PDGFD: variants seen among roughly 807,000 people sequenced by gnomAD.
PDGFD encodes platelet derived growth factor D.
Under a neutral mutation model 44.7 loss-of-function variants are expected in PDGFD, and 30 were observed. The ratio of observed to expected loss-of-function variants is 0.67; its 90% CI spans 0.50 to 0.91. The LOEUF (loss-of-function observed/expected upper bound fraction) is 0.91. Ranked by LOEUF, PDGFD falls within the 40% of genes least tolerant of loss-of-function variation. The pLI is 0.00. For missense variants in PDGFD, 445 were observed against 457.8 expected, an observed-to-expected ratio of 0.97 and a Z score of 0.25; for synonymous variants, 173 against 168.4, an observed-to-expected ratio of 1.03 and a Z score of -0.21.
At chr11:103,933,672 A>T (rs1304286264) in intron 5 of PDGFD, among the ~76,000 whole-genome samples, 6 of 152,226 alleles carry the variant, frequency 3.9e-5, no homozygotes. Flanking sequence ...TGTATCCAGC[A>T]CTTTGTGAGA....
At chr11:103,981,862 A>G (rs753902223) in intron 3 of PDGFD, among the ~76,000 whole-genome samples, 15 of 151,800 alleles carry the variant, frequency 9.9e-5, no homozygotes, top group Non-Finnish European at 2.1e-4. Context: ...CCAGCTCAGC[A>G]GTCTCATCAA....
chr11:103,988,417 G>A (rs539402679), intron 3 of PDGFD, among the ~76,000 whole-genome samples: 1 of 152,006 alleles, frequency 6.6e-6, no homozygotes, highest in South Asian at 2.1e-4. Context: ...GCACATCGGG[G>A]AGTCATCTGC....
chr11:104,062,018 T>G (rs759441066), intron 1 of PDGFD, among the ~76,000 whole-genome samples: 7 of 152,346 alleles, frequency 4.6e-5, no homozygotes, highest in Non-Finnish European at 8.8e-5. Context: ...CTAGTTTCTA[T>G]TCTCGTTTTT....
intron 1 of PDGFD, among the ~76,000 whole-genome samples, chr11:104,101,030 G>A (rs185700360): frequency 6.6e-6 from 1 of 152,200 alleles, no homozygotes; most frequent in East Asian, 1.9e-4. Flanking sequence ...CATTCCCTTT[G>A]AAAACTGGCA....
chr11:104,000,002 T>C (rs1365675901), intron 2 of PDGFD, 49 bp downstream of exon 2: 1 of 1,485,416 alleles, frequency 6.7e-7, no homozygotes, highest in Non-Finnish European at 9.4e-7. Context: ...TTCATCTTTT[T>C]CTTTTTTCAC....
At chr11:103,994,154 T>A (rs954908742) in intron 3 of PDGFD, among the ~76,000 whole-genome samples, 1 of 152,192 alleles carries the variant, frequency 6.6e-6, no homozygotes, top group African/African-American at 2.4e-5. Context: ...TATTTTGCCT[T>A]AAAGACATTA....
intron 2 of PDGFD, among the ~76,000 whole-genome samples, chr11:103,997,847 C>T (rs941926357): frequency 6.6e-6 from 1 of 152,108 alleles, no homozygotes; most frequent in Non-Finnish European, 1.5e-5. Context: ...GCTGTTTTAT[C>T]TCTTAGGGAG....
chr11:103,987,833 T>C (rs1859392627), intron 3 of PDGFD, among the ~76,000 whole-genome samples: 1 of 147,532 alleles, frequency 6.8e-6, no homozygotes, highest in Non-Finnish European at 1.5e-5. Context: ...CCCGGGATGC[T>C]GTTGCCTCCC....
At chr11:104,018,445 T>C (rs957762705) in intron 1 of PDGFD, among the ~76,000 whole-genome samples, 3 of 152,200 alleles carry the variant, frequency 2.0e-5, no homozygotes, top group African/African-American at 7.2e-5. Flanking sequence ...GGCCCTATCA[T>C]GTCTGCCATT....
At chr11:104,127,638 G>T (rs1288503393) in intron 1 of PDGFD, among the ~76,000 whole-genome samples, 2 of 152,102 alleles carry the variant, frequency 1.3e-5, no homozygotes, top group African/African-American at 4.8e-5. Flanking sequence ...TGCAAGCAAT[G>T]AAAATTATTA....
rs1426848978 is a variant in PDGFD at position 103,957,005 on chromosome 11, G to A, written c.511-9281C>T. 5.3e-5 allele frequency among the ~76,000 whole-genome samples: 8 copies of A among 152,062 alleles called. No individual in the cohort carries two copies. The East Asian group carries it at 1.5e-3, about 29-fold the overall frequency. Reference sequence around the variant, plus strand: ...TGCAAAAATTTTCTCCCATTTTATAGTTTGCCTGTTCACTCTGATGGTAGT... The same window carrying A: ...TGCAAAAATTTTCTCCCATTTTATAATTTGCCTGTTCACTCTGATGGTAGT... On this transcript the variant is annotated intron_variant, in intron 3 of 6. Coordinates refer to ENST00000393158, the MANE Select transcript of PDGFD (RefSeq NM_025208.5).
At chr11:104,155,638 T>C (rs1862296657) in intron 1 of PDGFD, among the ~76,000 whole-genome samples, 1 of 152,222 alleles carries the variant, frequency 6.6e-6, no homozygotes, top group South Asian at 2.1e-4. Context: ...GTGTCTACCA[T>C]ACGATCCTTA....
At chr11:103,953,237 AT>A (rs1327228804) in intron 3 of PDGFD, among the ~76,000 whole-genome samples, 1 of 149,372 alleles carries the variant, frequency 6.7e-6, no homozygotes, top group Non-Finnish European at 1.5e-5. Flanking sequence ...TCTAAAAGAG[AT>A]CAAAAACAAA....
chr11:104,149,953 G>T (rs762196084), intron 1 of PDGFD, among the ~76,000 whole-genome samples: 2 of 151,980 alleles, frequency 1.3e-5, no homozygotes, highest in Non-Finnish European at 2.9e-5. Context: ...ATATACTGTG[G>T]TCATTGTACT....
intron 1 of PDGFD, among the ~76,000 whole-genome samples, chr11:104,161,162 C>T (rs1298760778): frequency 6.6e-6 from 1 of 152,164 alleles, no homozygotes; most frequent in Non-Finnish European, 1.5e-5. Flanking sequence ...AAGGTCACTT[C>T]TAATTTTTTG....
chr11:104,113,085 C>T (rs956794170), intron 1 of PDGFD, among the ~76,000 whole-genome samples: 1 of 152,014 alleles, frequency 6.6e-6, no homozygotes, highest in Non-Finnish European at 1.5e-5. Flanking sequence ...TAAGTCAGAA[C>T]ATTGGGCTGG....
In PDGFD at chr11:104,151,930, T is replaced by TA. The variant is rs113744513; in HGVS notation, c.124+11873dup. 3.8e-4 allele frequency among the ~76,000 whole-genome samples: 56 copies of TA among 146,860 alleles called. No individual in the cohort carries two copies. In the Middle Eastern group the frequency reaches 0.014, roughly 37 times the overall value. On this transcript the variant is annotated intron_variant, in intron 1 of 6. Transcript: ENST00000393158. ...GACGGAATCTCGAAGTTGAGAATCTTAAAAAAAAAAAATCCCAGGTCACAT... is the reference window on the plus strand; with the variant it reads ...GACGGAATCTCGAAGTTGAGAATCTTAAAAAAAAAAAAATCCCAGGTCACAT...
chr11:104,032,303 G>C lies in PDGFD; in HGVS notation c.125-32048C>G, dbSNP rs550767918. ...TTGTATTACTGTAAAGCAAATAAAAGAATTATGAAAACATTAGTTATTTAA... is the reference window on the plus strand; with the variant it reads ...TTGTATTACTGTAAAGCAAATAAAACAATTATGAAAACATTAGTTATTTAA... On this transcript the variant is annotated intron_variant, in intron 1 of 6. Coordinates refer to ENST00000393158, the MANE Select transcript of PDGFD (RefSeq NM_025208.5). Among the ~76,000 whole-genome samples the C allele has an allele frequency of 2.0e-5, 3 of 152,194 alleles. No individual in the cohort carries two copies. The East Asian group carries it at 5.8e-4, about 29-fold the overall frequency.
Position 103,966,467 on chromosome 11 carries a change from C to T in PDGFD, c.511-18743G>A, listed in dbSNP as rs1309953911. On this transcript the variant is annotated intron_variant, in intron 3 of 6. Coordinates refer to ENST00000393158, the MANE Select transcript of PDGFD (RefSeq NM_025208.5). ...GAAGATACTATCTTTTTAAGAGCAACAACAACAAAAAGCACCATAAACTTT... is the reference window on the plus strand; with the variant it reads ...GAAGATACTATCTTTTTAAGAGCAATAACAACAAAAAGCACCATAAACTTT... 4.6e-5 allele frequency among the ~76,000 whole-genome samples: 7 copies of T among 152,186 alleles called. No homozygotes were observed. In the East Asian group the frequency reaches 1.4e-3, roughly 29 times the overall value.
Sources: allele counts gnomAD v4.1 joint callset (sites outside exome capture counted in the v4.1 genomes callset), GRCh38; gene constraint gnomAD v4.1.1; transcripts MANE v1.5; gene names NCBI Gene and HGNC (gene_info 2026-07-23, HGNC 2026-07-21).